USP51: variants seen among roughly 807,000 people sequenced by gnomAD.
The protein encoded by USP51 is ubiquitin specific peptidase 51, also known as ubiquitin carboxyl-terminal hydrolase 51.
USP51 carries 5 observed loss-of-function variants against 17.6 expected under a neutral mutation model. The observed-to-expected ratio is 0.28, with a 90% CI of 0.15 to 0.60. The LOEUF is 0.60. Ranked by LOEUF, USP51 falls within the 20% of genes least tolerant of loss-of-function variation. USP51 has a pLI of 0.88. For missense variants in USP51, 459 were observed against 559.5 expected (o/e 0.82, Z 1.81); for synonymous variants, 248 against 216.1 (o/e 1.15, Z -1.29).
chrX:55,487,815 A>G lies in USP51; in HGVS notation c.1125T>C (p.Asn375=). 8.3e-7 allele frequency: 1 copy of G among 1,209,722 alleles called. No homozygotes were observed. The highest frequency in any genetic ancestry group is 1.8e-5 in the South Asian group (1 of 56,411). Residue 375 remains asparagine, a synonymous_variant, in exon 3 of 3, where the codon AAT becomes AAC. Coordinates refer to ENST00000500968, the MANE Select transcript of USP51 (RefSeq NM_201286.4). ...TATGGGTAAGTGCCTGGACAATACAATTCATAAAACAAGTGTTCCCAAGAT... is the reference window on the plus strand; with the variant it reads ...TATGGGTAAGTGCCTGGACAATACAGTTCATAAAACAAGTGTTCCCAAGAT... The part of the protein sequence containing the change: ...LINLGNTCFM[N]CIVQALTHIP...
Position 55,487,228 on chromosome X carries a change from T to C in USP51, c.1712A>G (p.Asn571Ser), listed in dbSNP as rs773767013. 3.3e-6 allele frequency: 4 copies of C among 1,210,315 alleles called. No individual in the cohort carries two copies. Among genetic ancestry groups the C allele is most frequent in the South Asian group, 3.5e-5 (2 of 56,816 alleles). Residue 571 changes from asparagine (N) to serine (S), a missense_variant, in exon 3 of 3, where the codon AAT becomes AGT. Physicochemically the swap from Asn to Ser is conservative, Grantham distance 46. Transcript: ENST00000500968. ...AGACTCCTGGTAGCTTTGGCAACTA[T>C]TGCATTTGATTTTGGCACTGCTTCC... ...HLGSSAKIKC[N>S]SCQSYQESTK...
At position 55,487,487 on chromosome X, in the gene USP51, C is replaced by T; in HGVS notation, c.1453G>A (p.Asp485Asn). The T allele has an allele frequency of 8.3e-7, 1 of 1,211,919 alleles. No homozygotes were observed. The highest frequency in any genetic ancestry group is 1.1e-6 in the Non-Finnish European group (1 of 895,597). The change falls in exon 3 of 3, where the codon GAC (aspartate) becomes AAC (asparagine). Residue 485 changes from aspartate to asparagine, a missense_variant. By Grantham distance (23) the Asp-to-Asn change is conservative (BLOSUM62 1). Around this residue, in one of 2 missense-constraint regions of USP51, gnomAD observed 227 missense variants for 365.5 expected, o/e 0.62. Coordinates refer to ENST00000500968, the MANE Select transcript of USP51 (RefSeq NM_201286.4). Reference protein sequence around the residue: ...NNPNCCNCIIDQIFTGGLQSD... With the variant: ...NNPNCCNCIINQIFTGGLQSD... ...TGCAGGCCACCTGTAAAGATTTGGT[C>T]TATGATGCAGTTACAGCAGTTGGGG...
intron 2 of USP51, 29 bp from the exon 3 acceptor site, chrX:55,489,017 G>A (rs2031382323): frequency 2.7e-6 from 3 of 1,128,943 alleles, no homozygotes; most frequent in Non-Finnish European, 3.6e-6. Context: ...AGAGACTTCT[G>A]TGAATGATCT....
chrX:55,489,096 C>T (rs954305673), intron 2 of USP51, 73 bp downstream of exon 2: 4 of 765,144 alleles, frequency 5.2e-6, no homozygotes, highest in Non-Finnish European at 7.4e-6. Context: ...TTGAGCTCAG[C>T]CCGCGGCTTC....
chrX:55,489,199 G>C lies in USP51; in HGVS notation c.-80C>G. 1 of 377,499 alleles carries C rather than the reference G, an allele frequency of 2.6e-6. No homozygotes were observed. The highest frequency in any genetic ancestry group is 5.2e-5 in the South Asian group (1 of 19,059). The allele number at this position is 377,499 out of a possible 1,213,427, so 31.1% of individuals were successfully genotyped here. On this transcript the variant is annotated 5_prime_UTR_variant, in exon 2 of 3. Coordinates refer to ENST00000500968, the MANE Select transcript of USP51 (RefSeq NM_201286.4). ...TCAAAGGCGATCAGATCATGCCAGG[G>C]GACTGGGAACAGAAGGCTAGCGAGC... is the stretch of plus-strand genomic sequence containing the variant.
chrX:55,488,305 C>T lies in USP51; in HGVS notation c.635G>A (p.Arg212Lys). The stretch of plus-strand genomic sequence containing the variant: ...CCAAACGAAACGCTGGTAGATCAAC[C>T]TCAGGTTCTTCTGCCAGTTCTTACC... Reference protein sequence around the residue: ...KVGKNWQKNLRLIYQRFVWSG... With the variant: ...KVGKNWQKNLKLIYQRFVWSG... The change falls in exon 3 of 3, where the codon AGG becomes AAG. Residue 212 changes from arginine (R) to lysine (K), a missense_variant. By Grantham distance (26) the Arg-to-Lys change is conservative. Transcript: ENST00000500968. 1 of 1,212,072 alleles carries T rather than the reference C, an allele frequency of 8.3e-7. No homozygotes were observed. Among genetic ancestry groups the T allele is most frequent in the South Asian group, 1.8e-5 (1 of 56,970 alleles).
chrX:55,488,689 AGCACCTTCTCGTCGCC>A lies in USP51; in HGVS notation c.235_250del (p.Gly79SerfsTer87). 1 of 1,199,384 alleles carries A rather than the reference AGCACCTTCTCGTCGCC, an allele frequency of 8.3e-7. No homozygotes were observed. Among genetic ancestry groups the A allele is most frequent in the Non-Finnish European group, 1.1e-6 (1 of 894,609 alleles). ...GTGACAGCGAAGGGGGATTGAAGGGAGCACCTTCTCGTCGCCGCCGCTGCTGCTCCACGTCAAGTTC... is the reference window on the plus strand; with the variant it reads ...GTGACAGCGAAGGGGGATTGAAGGGAGCCGCTGCTGCTCCACGTCAAGTTC... On this transcript the variant is annotated frameshift_variant, in exon 3 of 3. Coordinates refer to ENST00000500968, the MANE Select transcript of USP51 (RefSeq NM_201286.4). LOFTEE classifies it low-confidence loss of function (END_TRUNC).
rs181632512 is a variant in USP51, at chrX:55,487,134, T to C, written c.1806A>G (p.Val602=). Reference sequence around the variant, plus strand: ...TATTAATCTTTCGCCTCTGTTTGCCTACATGCTCAAACCGCTTGAGATGAA... The same window carrying C: ...TATTAATCTTTCGCCTCTGTTTGCCCACATGCTCAAACCGCTTGAGATGAA... The part of the protein sequence containing the change: ...ACFHLKRFEH[V]GKQRRKINTF... The change falls in exon 3 of 3, where the codon GTA becomes GTG. Residue 602 remains valine (V), a synonymous_variant. Coordinates refer to ENST00000500968, the MANE Select transcript of USP51 (RefSeq NM_201286.4). 3.3e-6 allele frequency: 4 copies of C among 1,210,552 alleles called. No homozygotes were observed. The highest frequency in any genetic ancestry group is 4.5e-6 in the Non-Finnish European group (4 of 895,382).
Position 55,487,351 on chromosome X carries a change from G to A in USP51, c.1589C>T (p.Pro530Leu). The part of the protein sequence containing the change: ...GSCATFDSQN[P>L]ERADSTVSRD... Reference sequence around the variant, plus strand: ...GCTCACTGTGCTGTCAGCCCTCTCTGGGTTCTGGGAATCGAATGTGGCACA... The same window carrying A: ...GCTCACTGTGCTGTCAGCCCTCTCTAGGTTCTGGGAATCGAATGTGGCACA... Residue 530 changes from proline (P) to leucine (L), a missense_variant, in exon 3 of 3, where the codon CCA becomes CTA. Physicochemically the swap from Pro to Leu is moderately conservative, Grantham distance 98. This residue lies in a region of USP51 where 227 missense variants were observed against 365.5 expected (regional missense o/e 0.62). Coordinates refer to ENST00000500968, the MANE Select transcript of USP51 (RefSeq NM_201286.4). 1 of 1,211,744 alleles carries A rather than the reference G, an allele frequency of 8.3e-7. No individual in the cohort carries two copies. Among genetic ancestry groups the A allele is most frequent in the Admixed American group, 2.2e-5 (1 of 46,048 alleles).
In USP51 at chrX:55,486,880, TTGG is replaced by T; in HGVS notation, c.2057_2059del (p.Thr686del). The T allele has an allele frequency of 8.3e-7, 1 of 1,211,835 alleles. No homozygotes were observed. The highest frequency in any genetic ancestry group is 1.1e-6 in the Non-Finnish European group (1 of 895,473). ...GTAGAGTAAGTCCTCAATGGTAGCC[TTGG>T]TGATGATGGCATCATCACAGCTGAA... On this transcript the variant is annotated inframe_deletion, in exon 3 of 3. Transcript: ENST00000500968.
Position 55,488,402 on chromosome X carries a change from C to G in USP51, c.538G>C (p.Gly180Arg). The G allele has an allele frequency of 2.5e-6, 3 of 1,211,508 alleles. No individual in the cohort carries two copies. Among genetic ancestry groups the G allele is most frequent in the Non-Finnish European group, 3.4e-6 (3 of 895,210 alleles). The change falls in exon 3 of 3, where the codon GGG becomes CGG. Residue 180 changes from glycine to arginine, a missense_variant. Around this residue, in one of 2 missense-constraint regions of USP51, gnomAD observed 232 missense variants for 194.0 expected, o/e 1.20. Coordinates refer to ENST00000500968, the MANE Select transcript of USP51 (RefSeq NM_201286.4). ...AACTCGACCTCCAGCAACCAGTCCC[C>G]TAAGCCGCCAGGATCCCCCGACCCG... ...LDGSGDPGGL[G>R]DWLLEVEFGQ...
At position 55,487,116 on chromosome X, in the gene USP51, C is replaced by A; in HGVS notation, c.1824G>T (p.Lys608Asn). The change falls in exon 3 of 3, where the codon AAG becomes AAT. Residue 608 changes from lysine to asparagine, a missense_variant. Lys to Asn is a moderately conservative substitution (Grantham distance 94, BLOSUM62 0). Around this residue, in one of 2 missense-constraint regions of USP51, gnomAD observed 227 missense variants for 365.5 expected, o/e 0.62. Coordinates refer to ENST00000500968, the MANE Select transcript of USP51 (RefSeq NM_201286.4). ...RFEHVGKQRR[K>N]INTFISFPLE... Reference sequence around the variant, plus strand: ...AGGGAAAGGAGATAAAGGTATTAATCTTTCGCCTCTGTTTGCCTACATGCT... The same window carrying A: ...AGGGAAAGGAGATAAAGGTATTAATATTTCGCCTCTGTTTGCCTACATGCT... 1 of 1,211,850 alleles carries A rather than the reference C, an allele frequency of 8.3e-7. No homozygotes were observed. The highest frequency in any genetic ancestry group is 3.0e-5 in the East Asian group (1 of 33,852).
In USP51 at chrX:55,488,609, G is replaced by A. The variant is rs1323101459; in HGVS notation, c.331C>T (p.Arg111Trp). 3.5e-6 allele frequency: 4 copies of A among 1,128,347 alleles called. No individual in the cohort carries two copies. In the South Asian group the frequency reaches 6.2e-5, roughly 17 times the overall value. The allele number at this position is 1,128,347 out of a possible 1,213,427, so 93.0% of individuals were successfully genotyped here. Residue 111 changes from arginine (R) to tryptophan (W), a missense_variant, in exon 3 of 3, where the codon CGG (arginine) becomes TGG (tryptophan). This residue lies in a region of USP51 where 232 missense variants were observed against 194.0 expected (regional missense o/e 1.20). Transcript: ENST00000500968. ...CCAGGCTGGCTGCGGGAGCGGGCCCGGGGCTGGGGCCGAGGGCGGGGCTTG... is the reference window on the plus strand; with the variant it reads ...CCAGGCTGGCTGCGGGAGCGGGCCCAGGGCTGGGGCCGAGGGCGGGGCTTG... ...RRKPRPRPQP[R>W]ARSRSQPGLS...
At position 55,485,070 on chromosome X, in the gene USP51, A is replaced by C. The variant is rs1292942436; in HGVS notation, c.*1734T>G. 1 of 111,867 alleles carries C rather than the reference A, an allele frequency of 8.9e-6. No homozygotes were observed. Among genetic ancestry groups the C allele is most frequent in the Non-Finnish European group, 1.9e-5 (1 of 53,200 alleles). The allele number at this position is 111,867 out of a possible 1,213,427, so 9.2% of individuals were successfully genotyped here. A position where few individuals can be genotyped will look rare whatever the true frequency, so the allele number is the denominator to read the frequency against. On this transcript the variant is annotated 3_prime_UTR_variant, in exon 3 of 3. Transcript: ENST00000500968. ...ACAAACCCATTGCTCTACTGTGGAA[A>C]TTAAAGGTCTTGTTTCTCCTTGGAG...
At position 55,488,721 on chromosome X, in the gene USP51, C is replaced by G. The variant is rs747005031; in HGVS notation, c.219G>C (p.Thr73=). 2 of 1,204,489 alleles carry G rather than the reference C, an allele frequency of 1.7e-6. No individual in the cohort carries two copies. Among genetic ancestry groups the G allele is most frequent in the Non-Finnish European group, 2.2e-6 (2 of 895,437 alleles). ...EREPAPEENL[T]WSSSGGDEKV... Reference sequence around the variant, plus strand: ...TCTCGTCGCCGCCGCTGCTGCTCCACGTCAAGTTCTCCTCCGGCGCGGGCT... The same window carrying G: ...TCTCGTCGCCGCCGCTGCTGCTCCAGGTCAAGTTCTCCTCCGGCGCGGGCT... Residue 73 remains threonine (T), a synonymous_variant, in exon 3 of 3, where the codon ACG becomes ACC. Transcript: ENST00000500968.
Position 55,484,909 on chromosome X carries a change from T to C in USP51, c.*1895A>G, listed in dbSNP as rs1488704683. 1 of 111,392 alleles carries C rather than the reference T, an allele frequency of 9.0e-6. No homozygotes were observed. Among genetic ancestry groups the C allele is most frequent in the Non-Finnish European group, 1.9e-5 (1 of 53,108 alleles). The allele number at this position is 111,392 out of a possible 1,213,427, so 9.2% of individuals were successfully genotyped here. On this transcript the variant is annotated 3_prime_UTR_variant, in exon 3 of 3. Transcript: ENST00000500968. ...GGAGTAAAAGCCACCAGGTGAATAG[T>C]CAAAGAAGGAGCCCTGCAGGCTGGG... is the stretch of plus-strand genomic sequence containing the variant.
Position 55,487,702 on chromosome X carries a change from G to A in USP51, c.1238C>T (p.Ser413Leu), listed in dbSNP as rs759275168. ...CCCAGAGTACATAGCATGAAAAAGC[G>A]AAGACATTTCACAGACCAGACACAA... ...PSLCLVCEMS[S>L]LFHAMYSGSR... The change falls in exon 3 of 3, where the codon TCG becomes TTG. Residue 413 changes from serine (S) to leucine (L), a missense_variant. Around this residue, in one of 2 missense-constraint regions of USP51, gnomAD observed 227 missense variants for 365.5 expected, o/e 0.62. Transcript: ENST00000500968. The A allele has an allele frequency of 2.5e-6, 3 of 1,211,966 alleles. No individual in the cohort carries two copies. Among genetic ancestry groups the A allele is most frequent in the South Asian group, 1.8e-5 (1 of 56,975 alleles).
Position 55,488,479 on chromosome X carries a change from G to A in USP51, c.461C>T (p.Ser154Phe). 1 of 1,200,979 alleles carries A rather than the reference G, an allele frequency of 8.3e-7. No individual in the cohort carries two copies. The highest frequency in any genetic ancestry group is 1.1e-6 in the Non-Finnish European group (1 of 889,530). ...TGTCTGAGGCCTGGACCCAGGCCGG[G>A]ATCTGCGCCGGGATCCACGCCAGGC... ...PRAWRGSRRR[S>F]RPGSRPQTRR... is the part of the protein sequence containing the mutation. Residue 154 changes from serine (S) to phenylalanine (F), a missense_variant, in exon 3 of 3, where the codon TCC (serine) becomes TTC (phenylalanine). Physicochemically the swap from Ser to Phe is radical, Grantham distance 155. Coordinates refer to ENST00000500968, the MANE Select transcript of USP51 (RefSeq NM_201286.4).
In USP51 at chrX:55,485,559, G is replaced by A. The variant is rs1301771249; in HGVS notation, c.*1245C>T. 2.8e-5 allele frequency: 3 copies of A among 107,081 alleles called. No homozygotes were observed. The Admixed American group carries it at 3.0e-4, about 11-fold the overall frequency. The allele number at this position is 107,081 out of a possible 1,213,427, so 8.8% of individuals were successfully genotyped here. A position where few individuals can be genotyped will look rare whatever the true frequency, so the allele number is the denominator to read the frequency against. ...CTCACACACCGCTGTCGTTATTCCT[G>A]TCTCCTCCATTTATTTCTTTCATAC... On this transcript the variant is annotated 3_prime_UTR_variant, in exon 3 of 3. Transcript: ENST00000500968.
Sources: gnomAD v4.1 joint callset for allele counts on GRCh38, gnomAD v4.1.1 for gene constraint, gnomAD v4.1.1 regional missense constraint, MANE v1.5 for transcripts, NCBI Gene and HGNC (gene_info 2026-07-23, HGNC 2026-07-21) for gene names.